OXR1: variants seen among roughly 807,000 people sequenced by gnomAD.
OXR1 encodes the protein oxidation resistance protein 1.
A neutral mutation model predicts 104.6 loss-of-function variants in OXR1; 41 were observed. The ratio of observed to expected loss-of-function variants is 0.39; its 90% CI spans 0.31 to 0.51. OXR1 has a LOEUF of 0.51. Ranked by LOEUF, OXR1 falls within the 20% of genes least tolerant of loss-of-function variation. The probability of loss-of-function intolerance (pLI) is 0.77; values close to 1 mark genes in which losing one functional copy is unlikely to be tolerated. For missense variants in OXR1, 955 were observed against 1,031.9 expected, an observed-to-expected ratio of 0.93 and a Z score of 1.02; for synonymous variants, 348 against 348.4, an observed-to-expected ratio of 1.00 and a Z score of 0.01.
At chr8:106,739,052 A>G (rs1472003539) in intron 12 of OXR1, among the ~76,000 whole-genome samples, 1 of 148,628 alleles carries the variant, frequency 6.7e-6, no homozygotes, top group Non-Finnish European at 1.5e-5. Flanking sequence ...TGTTAGCATG[A>G]AAGAATTCTA....
At chr8:106,298,857 C>T (rs1037665124) in intron 1 of OXR1, among the ~76,000 whole-genome samples, 5 of 152,036 alleles carry the variant, frequency 3.3e-5, no homozygotes, top group African/African-American at 1.2e-4. Flanking sequence ...GATTGAAACA[C>T]GTTCTTTTCT....
chr8:106,476,111 C>T (rs1328740111), intron 2 of OXR1, among the ~76,000 whole-genome samples: 1 of 151,782 alleles, frequency 6.6e-6, no homozygotes, highest in Non-Finnish European at 1.5e-5. Context: ...TTTTCTCTTG[C>T]ATAACACTGA....
At position 106,541,351 on chromosome 8, in the gene OXR1, T is replaced by C. The variant is rs117598144; in HGVS notation, c.220+22212T>C. Among the ~76,000 whole-genome samples the C allele has an allele frequency of 9.1e-3, 1,380 of 152,346 alleles. 13 individuals carry two copies. The highest frequency in any genetic ancestry group is 0.013 in the Non-Finnish European group (902 of 68,028). On this transcript the variant is annotated intron_variant, in intron 3 of 16. Coordinates refer to ENST00000517566, the MANE Select transcript of OXR1 (RefSeq NM_001198533.2). ...GTTGCTCCTTAAACAGTGTTTCAAATTTGTGAGGACCTGACACAAATCATT... is the reference window on the plus strand; with the variant it reads ...GTTGCTCCTTAAACAGTGTTTCAAACTTGTGAGGACCTGACACAAATCATT...
intron 3 of OXR1, chr8:106,618,284 C>G (rs962571310): frequency 1.5e-5 from 14 of 945,588 alleles, no homozygotes; most frequent in Non-Finnish European, 2.3e-5. Context: ...TTTCAAAGTC[C>G]AGATGAGCTG....
chr8:106,333,127 C>T (rs1814791812), intron 1 of OXR1, among the ~76,000 whole-genome samples: 1 of 151,976 alleles, frequency 6.6e-6, no homozygotes, highest in Non-Finnish European at 1.5e-5. Flanking sequence ...TTTGTGTGAA[C>T]ATATATTTTT....
chr8:106,660,447 TAAG>T (rs1260001913), intron 3 of OXR1, among the ~76,000 whole-genome samples: 1 of 152,228 alleles, frequency 6.6e-6, no homozygotes, highest in African/African-American at 2.4e-5. Flanking sequence ...TTCAGTTCTT[TAAG>T]AAGCCCTGTG....
intron 3 of OXR1, among the ~76,000 whole-genome samples, chr8:106,545,921 G>A (rs1016157003): frequency 4.6e-5 from 7 of 151,928 alleles, no homozygotes; most frequent in African/African-American, 1.4e-4. Context: ...GCTTGAACCC[G>A]GGAGGCAGAG....
intron 1 of OXR1, among the ~76,000 whole-genome samples, chr8:106,352,427 T>A (rs1586557424): frequency 6.6e-6 from 1 of 152,212 alleles, no homozygotes; most frequent in East Asian, 1.9e-4. Flanking sequence ...CCAGTGTGTT[T>A]TAGAATTTAA....
At chr8:106,707,266 A>T (rs111814429) in intron 9 of OXR1, 121 bp downstream of exon 9, 2 of 807,596 alleles carry the variant, frequency 2.5e-6, no homozygotes. Flanking sequence ...GTGACCCTTG[A>T]CCGGTGATTC....
chr8:106,560,853 C>T (rs567765770), intron 3 of OXR1, among the ~76,000 whole-genome samples: 13 of 152,242 alleles, frequency 8.5e-5, no homozygotes, highest in South Asian at 6.2e-4. Context: ...GTGCAGCCCA[C>T]GGAGGATGAG....
At chr8:106,479,213 G>A (rs1003178158) in intron 2 of OXR1, among the ~76,000 whole-genome samples, 13 of 151,926 alleles carry the variant, frequency 8.6e-5, no homozygotes, top group Non-Finnish European at 1.3e-4. Context: ...ATAATACAGT[G>A]TTAGTATCTG....
chr8:106,402,695 A>C (rs532827686), intron 2 of OXR1, among the ~76,000 whole-genome samples: 2 of 152,228 alleles, frequency 1.3e-5, no homozygotes, highest in African/African-American at 4.8e-5. Flanking sequence ...AAAAGGCTAT[A>C]GGTCACTTTG....
intron 3 of OXR1, among the ~76,000 whole-genome samples, chr8:106,622,927 C>A (rs1172138663): frequency 6.6e-6 from 1 of 152,172 alleles, no homozygotes; most frequent in Admixed American, 6.5e-5. Flanking sequence ...TTGAATATAT[C>A]CTCAGTTAAC....
intron 1 of OXR1, among the ~76,000 whole-genome samples, chr8:106,294,080 G>A (rs1163307608): frequency 1.4e-5 from 2 of 146,848 alleles, no homozygotes; most frequent in Non-Finnish European, 1.5e-5. Flanking sequence ...GGGTATATTA[G>A]GCCAATCTTG....
chr8:106,342,353 C>G (rs554912125), intron 1 of OXR1, among the ~76,000 whole-genome samples: 5 of 151,530 alleles, frequency 3.3e-5, no homozygotes, highest in African/African-American at 1.2e-4. Flanking sequence ...CAGGTTCAAG[C>G]AATTATCCTG....
chr8:106,660,026 C>G (rs984009201), intron 3 of OXR1, among the ~76,000 whole-genome samples: 1 of 152,204 alleles, frequency 6.6e-6, no homozygotes, highest in East Asian at 1.9e-4. Context: ...TGGGCAGGTA[C>G]GTCCTAGCAT....
intron 1 of OXR1, among the ~76,000 whole-genome samples, chr8:106,291,217 T>C (rs1379228713): frequency 6.6e-6 from 1 of 152,184 alleles, no homozygotes; most frequent in African/African-American, 2.4e-5. Context: ...TTTTCACTTA[T>C]AAATTGGAGC....
At chr8:106,733,468 A>G (rs746425410) in intron 11 of OXR1, among the ~76,000 whole-genome samples, 2 of 152,072 alleles carry the variant, frequency 1.3e-5, no homozygotes, top group South Asian at 2.1e-4. Context: ...TTTTTAATCT[A>G]TTGATTTCTG....
At chr8:106,745,647 C>A in intron 15 of OXR1, 142 bp from the exon 16 acceptor site, 2 of 450,562 alleles carry the variant, frequency 4.4e-6, no homozygotes, top group South Asian at 6.0e-5. Context: ...ACCACCAGAG[C>A]CTTCTGTGCG....
Sources: gnomAD v4.1 joint callset for allele counts (sites outside exome capture counted in the v4.1 genomes callset) on GRCh38, gnomAD v4.1.1 for gene constraint, MANE v1.5 for transcripts, NCBI Gene and HGNC (gene_info 2026-07-23, HGNC 2026-07-21) for gene names.